The following IGFL2 variants were observed in gnomAD, a reference collection of about 807,000 sequenced individuals.
The protein encoded by IGFL2 is insulin growth factor-like family member 2.
A neutral mutation model predicts 13.9 loss-of-function variants in IGFL2; 7 were observed. The observed-to-expected ratio is 0.51, with a 90% CI of 0.29 to 0.95. The LOEUF is 0.95. IGFL2 is among the 40% of genes least tolerant of loss of function. IGFL2 has a pLI of 0.08. For synonymous variants in IGFL2, 55 were observed against 55.8 expected (o/e 0.99, Z 0.07); for missense variants, 138 against 147.8 (o/e 0.93, Z 0.34).
At chr19:46,100,099 A>G in the IGFL2 span, among the ~76,000 whole-genome samples, 2 of 152,078 alleles carry the variant, frequency 1.3e-5, no homozygotes, top group Non-Finnish European at 2.9e-5. Context: ...TTTATTACCT[A>G]CTTTCTGAAG....
At chr19:46,160,957 C>T (rs1373441066) in intron 3 of IGFL2, 76 bp downstream of exon 3, 47 of 1,564,802 alleles carry the variant, frequency 3.0e-5, no homozygotes, top group Non-Finnish European at 3.7e-5. Flanking sequence ...ATGTCTTCAT[C>T]ACTCCTTTTG....
At chr19:46,121,399 A>AG in the IGFL2 span, among the ~76,000 whole-genome samples, 1 of 148,544 alleles carries the variant, frequency 6.7e-6, no homozygotes, top group African/African-American at 2.5e-5. Flanking sequence ...GTCTTGAAAA[A>AG]AAAAAAAAAA....
the IGFL2 span, among the ~76,000 whole-genome samples, chr19:46,117,097 T>G: frequency 1.0e-3 from 156 of 152,348 alleles, no homozygotes; most frequent in Non-Finnish European, 1.9e-3. Context: ...GACTATTTTT[T>G]TCTCATTATG....
At chr19:46,178,426 C>A in the IGFL2 span, among the ~76,000 whole-genome samples, 5 of 152,256 alleles carry the variant, frequency 3.3e-5, no homozygotes, top group Admixed American at 2.6e-4. Flanking sequence ...AAATATAATT[C>A]TTTGACATAT....
At chr19:46,136,204 C>A in the IGFL2 span, among the ~76,000 whole-genome samples, 1 of 151,948 alleles carries the variant, frequency 6.6e-6, no homozygotes, top group Middle Eastern at 3.2e-3. Context: ...TGCCCTCTCT[C>A]CCTCTCCTTC....
At chr19:46,123,429 T>G in the IGFL2 span, among the ~76,000 whole-genome samples, 1 of 150,906 alleles carries the variant, frequency 6.6e-6, no homozygotes, top group Non-Finnish European at 1.5e-5. Context: ...TTAAGTAAAG[T>G]AAGGAAAAAA....
At chr19:46,144,434 A>C (rs1447908777), upstream of IGFL2, among the ~76,000 whole-genome samples, 1 of 152,136 alleles carries the variant, frequency 6.6e-6, no homozygotes, top group Non-Finnish European at 1.5e-5. Flanking sequence ...CATGGCATAC[A>C]TCATTGGTTG....
upstream of IGFL2, among the ~76,000 whole-genome samples, chr19:46,146,124 G>C (rs1265895757): frequency 8.0e-5 from 12 of 150,258 alleles, no homozygotes; most frequent in Non-Finnish European, 1.8e-4. Flanking sequence ...GTTAACTTTT[G>C]TATAGAGTGT....
the IGFL2 span, among the ~76,000 whole-genome samples, chr19:46,090,936 CCT>C: frequency 9.9e-5 from 15 of 152,278 alleles, 1 homozygote; most frequent in East Asian, 2.9e-3. Context: ...TGTTTACTTT[CCT>C]CTCTTTCCAC....
At chr19:46,193,246 G>A in the IGFL2 span, among the ~76,000 whole-genome samples, 1 of 152,046 alleles carries the variant, frequency 6.6e-6, no homozygotes, top group Admixed American at 6.6e-5. Flanking sequence ...AAATTTTAAA[G>A]TTGCGTGTCA....
chr19:46,163,145 C>G (rs1000807595), downstream of IGFL2, among the ~76,000 whole-genome samples: 1 of 152,154 alleles, frequency 6.6e-6, no homozygotes, highest in Non-Finnish European at 1.5e-5. Context: ...TGTATGGCTC[C>G]CCTATGTTTC....
chr19:46,145,362 C>G (rs936344011), upstream of IGFL2, among the ~76,000 whole-genome samples: 1 of 151,776 alleles, frequency 6.6e-6, no homozygotes, highest in Admixed American at 6.6e-5. Context: ...ACACATACTC[C>G]GGCACTTTTT....
the IGFL2 span, among the ~76,000 whole-genome samples, chr19:46,114,472 G>A: frequency 2.6e-4 from 39 of 152,146 alleles, no homozygotes; most frequent in African/African-American, 8.4e-4. Flanking sequence ...AGTTATTGGC[G>A]AACTCCATTT....
chr19:46,167,959 A>T, the IGFL2 span, among the ~76,000 whole-genome samples: 1 of 152,156 alleles, frequency 6.6e-6, no homozygotes, highest in Non-Finnish European at 1.5e-5. Flanking sequence ...TGTTTAAGCC[A>T]CCCAGTCTGT....
the IGFL2 span, among the ~76,000 whole-genome samples, chr19:46,082,492 G>A: frequency 0.013 from 2,050 of 152,298 alleles, 32 homozygotes; most frequent in Middle Eastern, 0.027. Flanking sequence ...AGAGAGGGAA[G>A]ACACATTGAG....
upstream of IGFL2, chr19:46,148,045 G>C: frequency 2.1e-6 from 1 of 477,918 alleles, no homozygotes; most frequent in East Asian, 3.4e-5. Flanking sequence ...CTGAGATTTC[G>C]AGAGGTCTGA....
At chr19:46,157,191 A>G (rs1973870823) in intron 1 of IGFL2, among the ~76,000 whole-genome samples, 1 of 152,188 alleles carries the variant, frequency 6.6e-6, no homozygotes, top group South Asian at 2.1e-4. Flanking sequence ...GAATCTAACA[A>G]ATGTTTAAAA....
the IGFL2 span, among the ~76,000 whole-genome samples, chr19:46,114,856 G>C: frequency 6.6e-6 from 1 of 152,116 alleles, no homozygotes; most frequent in Non-Finnish European, 1.5e-5. Flanking sequence ...ACTAATACAG[G>C]TGCTTTTTGA....
the IGFL2 span, among the ~76,000 whole-genome samples, chr19:46,133,595 G>A: frequency 6.6e-6 from 1 of 152,230 alleles, no homozygotes; most frequent in South Asian, 2.1e-4. Context: ...AGGCATGCCA[G>A]GGCAAATATC....
Sources: gnomAD v4.1 joint callset for allele counts (sites outside exome capture counted in the v4.1 genomes callset) on GRCh38, gnomAD v4.1.1 for gene constraint, MANE v1.5 for transcripts, NCBI Gene and HGNC (gene_info 2026-07-23, HGNC 2026-07-21) for gene names.